Variants in ITFG2 observed in about 807,000 individuals in gnomAD.
The protein encoded by ITFG2 is KICSTOR complex protein ITFG2.
A neutral mutation model predicts 54.4 loss-of-function variants in ITFG2; 36 were observed. The ratio of observed to expected loss-of-function variants is 0.66; its 90% confidence interval spans 0.51 to 0.87. The LOEUF is 0.87. Ranked by LOEUF, ITFG2 falls within the 40% of genes least tolerant of loss-of-function variation. The probability of loss-of-function intolerance (pLI) is 0.00; values close to 1 mark genes in which losing one functional copy is unlikely to be tolerated. For synonymous variants in ITFG2, 211 were observed against 225.4 expected, an observed-to-expected ratio of 0.94 and a Z score of 0.57; for missense variants, 524 against 576.7, an observed-to-expected ratio of 0.91 and a Z score of 0.94.
At chr12:2,816,310 C>T (rs536694273) in intron 1 of ITFG2, among the ~76,000 whole-genome samples, 57 of 148,740 alleles carry the variant, frequency 3.8e-4, no homozygotes, top group Non-Finnish European at 7.9e-4. Flanking sequence ...GGATTATCGG[C>T]GTGAGTCACC....
downstream of ITFG2, among the ~76,000 whole-genome samples, chr12:2,828,629 C>T (rs900057317): frequency 6.6e-6 from 1 of 152,122 alleles, no homozygotes; most frequent in South Asian, 2.1e-4. Flanking sequence ...CACCTGAGGT[C>T]GGGAGTTCAA....
At chr12:2,854,737 T>C (rs2098081831) in intron 2 of ITFG2, among the ~76,000 whole-genome samples, 1 of 152,098 alleles carries the variant, frequency 6.6e-6, no homozygotes, top group African/African-American at 2.4e-5. Context: ...CTCCCTTGTC[T>C]CCACCTCGTC....
intron 2 of ITFG2, among the ~76,000 whole-genome samples, chr12:2,851,257 AGAGT>A (rs1041082923): frequency 3.2e-4 from 48 of 152,194 alleles, no homozygotes; most frequent in Middle Eastern, 6.8e-3. Flanking sequence ...GAGTGAGTGG[AGAGT>A]GAGTGAGTGA....
At chr12:2,851,286 G>A (rs2098070058) in intron 2 of ITFG2, among the ~76,000 whole-genome samples, 1 of 152,240 alleles carries the variant, frequency 6.6e-6, no homozygotes, top group South Asian at 2.1e-4. Flanking sequence ...GAAGGCCTAG[G>A]ACATTACTGT....
intron 9 of ITFG2, 100 bp downstream of exon 9, chr12:2,821,892 C>G: frequency 1.2e-6 from 1 of 829,920 alleles, no homozygotes; most frequent in South Asian, 1.6e-5. Context: ...AGGGAACTCC[C>G]AACCTTTATC....
upstream of ITFG2, among the ~76,000 whole-genome samples, chr12:2,835,328 GCCCTCCTCTGCATCCCTCCCAGGCTTCC>G (rs1268846885): frequency 4.6e-5 from 7 of 152,074 alleles, 1 homozygote; most frequent in East Asian, 1.4e-3. Flanking sequence ...TGTGGCCCCC[GCCCTCCTCTGCATCCCTCCCAGGCTTCC>G]CAGGACTGCC....
At chr12:2,830,896 C>A, downstream of ITFG2, 2 of 1,600,348 alleles carry the variant, frequency 1.2e-6, no homozygotes, top group Non-Finnish European at 1.7e-6. Flanking sequence ...GTAGGCAGTT[C>A]TAAACCCAGG....
At chr12:2,827,315 C>T (rs1422858500), downstream of ITFG2, 1 of 1,607,048 alleles carries the variant, frequency 6.2e-7, no homozygotes, top group Non-Finnish European at 8.5e-7. The surrounding 1 kb of genome is among the most constrained non-coding windows in gnomAD (Gnocchi z 4.0). Flanking sequence ...GGGTGTAGAG[C>T]AGTCATGCCA....
upstream of ITFG2, chr12:2,835,264 A>C: frequency 2.1e-6 from 2 of 959,772 alleles, no homozygotes; most frequent in African/African-American, 3.7e-5. Flanking sequence ...GTGGTTTGCG[A>C]GGAAGCGCTT....
At chr12:2,857,338 G>GTAAC (rs1216262488) in intron 2 of ITFG2, 4 of 434,252 alleles carry the variant, frequency 9.2e-6, no homozygotes, top group African/African-American at 2.0e-5. Context: ...TGAAGCACCT[G>GTAAC]TAACTGGGCC....
At chr12:2,856,272 C>A (rs193058283) in intron 2 of ITFG2, among the ~76,000 whole-genome samples, 7 of 152,290 alleles carry the variant, frequency 4.6e-5, no homozygotes, top group African/African-American at 1.7e-4. Context: ...GCATACCATG[C>A]TGGGTGAAAT....
At chr12:2,849,261 C>G (rs1158313783) in intron 2 of ITFG2, 4 of 1,536,098 alleles carry the variant, frequency 2.6e-6, no homozygotes, top group Non-Finnish European at 3.5e-6. Flanking sequence ...TCTTCCTCTT[C>G]CTTGCTGGGG....
rs111561966 is a variant in ITFG2, at chr12:2,854,952, T to G, written n.301-3060T>G. On this transcript the variant is annotated intron_variant and non_coding_transcript_variant, in intron 2 of 3. Coordinates refer to the ITFG2 transcript ENST00000537710. ...CCTGGGCATCGAGTGGGGGTGCTCT[T>G]GCCTCACTCCTCAACTTGAGCTTCT... is the stretch of plus-strand genomic sequence containing the variant. The G allele has an allele frequency of 1.8e-5, 28 of 1,536,094 alleles. No individual in the cohort carries two copies. In the African/African-American group the frequency reaches 2.2e-4, roughly 12 times the overall value.
At chr12:2,840,603 G>A (rs1198065451) in intron 1 of ITFG2, among the ~76,000 whole-genome samples, 7 of 151,956 alleles carry the variant, frequency 4.6e-5, no homozygotes, top group Non-Finnish European at 1.0e-4. Context: ...TGGCTAACAC[G>A]GTGAAACCCC....
upstream of ITFG2, among the ~76,000 whole-genome samples, chr12:2,833,410 C>T (rs982583098): frequency 6.6e-6 from 1 of 152,086 alleles, no homozygotes; most frequent in African/African-American, 2.4e-5. Flanking sequence ...TCGTTGGGAG[C>T]TAGGGAATTG....
At position 2,855,120 on chromosome 12, in the gene ITFG2, G is replaced by T. The variant is rs1470154770; in HGVS notation, n.301-2892G>T. The T allele has an allele frequency of 2.7e-5, 42 of 1,534,076 alleles. No homozygotes were observed. The East Asian group carries it at 1.0e-3, about 38-fold the overall frequency. ...GAGGGGGGATGGGGTGCTCCGTGGG[G>T]GGGCATCTGTGGGCATTGGAGTCGG... On this transcript the variant is annotated intron_variant and non_coding_transcript_variant, in intron 2 of 3. Coordinates refer to the ITFG2 transcript ENST00000537710.
Position 2,819,463 on chromosome 12 carries a change from G to A in ITFG2, c.407-623G>A, listed in dbSNP as rs1186942569. 4.0e-5 allele frequency among the ~76,000 whole-genome samples: 6 copies of A among 149,988 alleles called. No individual in the cohort carries two copies. In the South Asian group the frequency reaches 8.5e-4, roughly 21 times the overall value. On this transcript the variant is annotated intron_variant, in intron 4 of 11. Coordinates refer to ENST00000228799, the MANE Select transcript of ITFG2 (RefSeq NM_018463.4). ...AGCCTAGGCGAGAGAGCGAGACTCCGTCTCAAAAAAAAAAAAAATGAGCTG... is the reference window on the plus strand; with the variant it reads ...AGCCTAGGCGAGAGAGCGAGACTCCATCTCAAAAAAAAAAAAAATGAGCTG...
intron 2 of ITFG2, chr12:2,855,452 G>A: frequency 1.4e-6 from 2 of 1,431,900 alleles, no homozygotes; most frequent in Non-Finnish European, 1.8e-6. Context: ...ACCATCTAGG[G>A]AGAGACAAAA....
At chr12:2,848,940 A>G in intron 2 of ITFG2, 2 of 403,178 alleles carry the variant, frequency 5.0e-6, no homozygotes, top group Non-Finnish European at 9.0e-6. Flanking sequence ...TCCTCTCCTT[A>G]GGAACTGGAG....
Sources: gnomAD v4.1 joint callset for allele counts (sites outside exome capture counted in the v4.1 genomes callset) on GRCh38, gnomAD v4.1.1 for gene constraint, Gnocchi (gnomAD v3.1) non-coding constraint, MANE v1.5 for transcripts, NCBI Gene and HGNC (gene_info 2026-07-23, HGNC 2026-07-21) for gene names.